The following DPYD variants were observed in gnomAD, a reference collection of about 807,000 sequenced individuals.
DPYD encodes the protein dihydropyrimidine dehydrogenase [NADP(+)].
In DPYD, 109 loss-of-function variants were observed where a neutral mutation model predicts 116.2. The observed-to-expected ratio is 0.94, with a 90% CI of 0.80 to 1.10. DPYD has a LOEUF of 1.10. Among genes scored for constraint, DPYD ranks in the 50% least tolerant of loss-of-function variants. The pLI is 0.00. For missense variants in DPYD, 1,302 were observed against 1,254.5 expected, an observed-to-expected ratio of 1.04 and a Z score of -0.57; for synonymous variants, 440 against 432.0, an observed-to-expected ratio of 1.02 and a Z score of -0.23.
intron 8 of DPYD, among the ~76,000 whole-genome samples, chr1:97,668,590 T>A (rs957312296): frequency 6.6e-6 from 1 of 152,112 alleles, no homozygotes; most frequent in Non-Finnish European, 1.5e-5. Flanking sequence ...TTGCAGAAGC[T>A]TAAAAATATG....
chr1:97,640,271 G>C (rs1571109460), intron 8 of DPYD, among the ~76,000 whole-genome samples: 2 of 151,626 alleles, frequency 1.3e-5, no homozygotes, highest in African/African-American at 4.8e-5. Context: ...CCAGCTTCTT[G>C]TAGAAGCATT....
chr1:97,307,063 C>A (rs1172706477), intron 16 of DPYD, among the ~76,000 whole-genome samples: 1 of 151,806 alleles, frequency 6.6e-6, no homozygotes, highest in Non-Finnish European at 1.5e-5. Flanking sequence ...GGGCAAGTAT[C>A]ATTTAGAGGG....
At chr1:97,622,359 C>T (rs1021635722) in intron 8 of DPYD, among the ~76,000 whole-genome samples, 6 of 151,866 alleles carry the variant, frequency 4.0e-5, no homozygotes, top group African/African-American at 9.7e-5. Context: ...AGAAAAAACA[C>T]ATATAAATGT....
At chr1:97,249,758 A>G (rs1662959630) in intron 18 of DPYD, among the ~76,000 whole-genome samples, 1 of 152,224 alleles carries the variant, frequency 6.6e-6, no homozygotes, top group South Asian at 2.1e-4. Flanking sequence ...AAAGATTACA[A>G]TAGACAAAAT....
chr1:97,203,678 A>AGC (rs1659387205), intron 19 of DPYD, among the ~76,000 whole-genome samples: 1 of 106,690 alleles, frequency 9.4e-6, no homozygotes, highest in African/African-American at 3.3e-5. Context: ...CCCCCCCAAA[A>AGC]AAAAAAAAAG....
At chr1:97,313,122 C>T (rs184669863) in intron 16 of DPYD, among the ~76,000 whole-genome samples, 30 of 151,986 alleles carry the variant, frequency 2.0e-4, no homozygotes, top group African/African-American at 7.2e-4. Context: ...AAAGACAAGA[C>T]ATCCTGAAAG....
chr1:97,546,040 T>G lies in DPYD; in HGVS notation c.1524+3520A>C, dbSNP rs541573562. On this transcript the variant is annotated intron_variant, in intron 12 of 22. Coordinates refer to ENST00000370192, the MANE Select transcript of DPYD (RefSeq NM_000110.4). ...ACCATGAATATAAAATCACAGGTGT[T>G]AGATGATGAAGACAGCAACAACATC... is the stretch of plus-strand genomic sequence containing the variant. The G allele has an allele frequency of 2.6e-4, 355 of 1,378,282 alleles. No individual in the cohort carries two copies. The African/African-American group carries it at 4.6e-3, about 18-fold the overall frequency. 85.4% of individuals were successfully genotyped at this position (1,378,282 alleles called of 1,614,324 possible). A position where few individuals can be genotyped will look rare whatever the true frequency, so the allele number is the denominator to read the frequency against.
intron 16 of DPYD, among the ~76,000 whole-genome samples, chr1:97,353,985 C>T (rs1670283443): frequency 6.6e-6 from 1 of 152,182 alleles, no homozygotes; most frequent in Admixed American, 6.5e-5. Context: ...ACTGACTTGC[C>T]GTGTGACCCT....
intron 19 of DPYD, among the ~76,000 whole-genome samples, chr1:97,193,503 A>G (rs1421285078): frequency 6.6e-6 from 1 of 152,166 alleles, no homozygotes; most frequent in Non-Finnish European, 1.5e-5. Context: ...ACATGTTCCA[A>G]AACTTATTAA....
intron 18 of DPYD, among the ~76,000 whole-genome samples, chr1:97,285,960 A>G (rs1204454961): frequency 6.6e-6 from 1 of 152,296 alleles, no homozygotes; most frequent in African/African-American, 2.4e-5. Flanking sequence ...TGATCCTGTC[A>G]TTATGATGTT....
At chr1:97,095,683 TATAA>T (rs1650193572) in intron 21 of DPYD, among the ~76,000 whole-genome samples, 1 of 151,962 alleles carries the variant, frequency 6.6e-6, no homozygotes, top group Admixed American at 6.6e-5. Context: ...ATAATATAAA[TATAA>T]ATACACAGTT....
chr1:97,079,381 C>T (rs1649000899), intron 22 of DPYD, among the ~76,000 whole-genome samples: 2 of 152,088 alleles, frequency 1.3e-5, no homozygotes, highest in African/African-American at 4.8e-5. Flanking sequence ...GGGTATTTTT[C>T]TTCATTGTGT....
chr1:97,890,102 A>G (rs576138860), intron 1 of DPYD, among the ~76,000 whole-genome samples: 1 of 152,108 alleles, frequency 6.6e-6, no homozygotes, highest in East Asian at 1.9e-4. Flanking sequence ...GTGGTTGCTC[A>G]GGCTGGCGGA....
At chr1:97,865,163 C>T (rs1671312797) in intron 2 of DPYD, among the ~76,000 whole-genome samples, 1 of 151,748 alleles carries the variant, frequency 6.6e-6, no homozygotes, top group Non-Finnish European at 1.5e-5. Context: ...ACTTACACAA[C>T]AAGTTGGTCA....
At chr1:97,212,973 C>A (rs1179819480) in intron 19 of DPYD, among the ~76,000 whole-genome samples, 1 of 152,106 alleles carries the variant, frequency 6.6e-6, no homozygotes. Flanking sequence ...TCATTTCTCA[C>A]AGTTTTGGAG....
chr1:97,140,181 G>T (rs538038792), intron 20 of DPYD, among the ~76,000 whole-genome samples: 1 of 152,060 alleles, frequency 6.6e-6, no homozygotes, highest in Non-Finnish European at 1.5e-5. Flanking sequence ...AAAGTAAGGA[G>T]GCTGGTGTCT....
chr1:97,750,386 G>T (rs1664803913), intron 3 of DPYD, among the ~76,000 whole-genome samples: 2 of 151,960 alleles, frequency 1.3e-5, no homozygotes, highest in Non-Finnish European at 1.5e-5. Context: ...GAATATGTTT[G>T]TTATGAAAAA....
At chr1:97,233,486 C>T (rs1026477728) in intron 19 of DPYD, among the ~76,000 whole-genome samples, 8 of 151,974 alleles carry the variant, frequency 5.3e-5, no homozygotes, top group Non-Finnish European at 1.5e-5. Context: ...TGAGGGTGGA[C>T]GTCTAAGATC....
intron 20 of DPYD, among the ~76,000 whole-genome samples, chr1:97,153,657 T>A (rs780120144): frequency 1.3e-5 from 2 of 152,034 alleles, no homozygotes; most frequent in Non-Finnish European, 2.9e-5. Context: ...TGAGACTTAA[T>A]TAGACTAAAA....
Sources: allele counts gnomAD v4.1 joint callset (sites outside exome capture counted in the v4.1 genomes callset), GRCh38; gene constraint gnomAD v4.1.1; transcripts MANE v1.5; gene names NCBI Gene and HGNC (gene_info 2026-07-23, HGNC 2026-07-21).